Variants in USP15 observed in about 807,000 individuals in gnomAD.
USP15 encodes ubiquitin specific peptidase 15.
USP15 carries 18 observed loss-of-function variants against 127.1 expected under a neutral mutation model. The ratio of observed to expected loss-of-function variants is 0.14; its 90% CI spans 0.10 to 0.21. USP15 has a LOEUF of 0.21. Among genes scored for constraint, USP15 ranks in the 10% least tolerant of loss-of-function variants. USP15 has a pLI of 1.00. For synonymous variants in USP15, 364 were observed against 393.7 expected (o/e 0.92, Z 0.89); for missense variants, 805 against 1,159.9 (o/e 0.69, Z 4.44).
rs1216624351 is a variant in USP15 at position 62,407,708 on chromosome 12, C to T, written c.*3333C>T. The stretch of plus-strand genomic sequence containing the variant: ...CCAAATGCAACCCTGAATTTCAGGA[C>T]TTTGTAAACTCTACTCTAGTTTTGC... On this transcript the variant is annotated 3_prime_UTR_variant, in exon 22 of 22. Coordinates refer to ENST00000280377, the MANE Select transcript of USP15 (RefSeq NM_001252078.2). 6.6e-6 allele frequency: 1 copy of T among 151,756 alleles called. No homozygotes were observed. The highest frequency in any genetic ancestry group is 2.4e-5 in the African/African-American group (1 of 41,346). The allele number at this position is 151,756 out of a possible 1,614,324, so 9.4% of individuals were successfully genotyped here.
At chr12:62,356,524 G>A (rs1725746213) in intron 8 of USP15, among the ~76,000 whole-genome samples, 1 of 151,870 alleles carries the variant, frequency 6.6e-6, no homozygotes, top group South Asian at 2.1e-4. Context: ...CCAGGAGTTA[G>A]CATCCTTTTA....
In USP15 at chr12:62,413,767, G is replaced by T. The variant is rs1363860060; in HGVS notation, c.*9392G>T. The stretch of plus-strand genomic sequence containing the variant: ...CTATACCACTTTTCTTATGATTCAT[G>T]TGTTCACTTGAGTAGCACTTTTAAT... On this transcript the variant is annotated 3_prime_UTR_variant, in exon 22 of 22. Transcript: ENST00000280377. The T allele has an allele frequency of 2.6e-5, 4 of 151,294 alleles. No homozygotes were observed. The highest frequency in any genetic ancestry group is 2.6e-4 in the Admixed American group (4 of 15,188). The allele number at this position is 151,294 out of a possible 1,614,324, so 9.4% of individuals were successfully genotyped here. A position where few individuals can be genotyped will look rare whatever the true frequency, so the allele number is the denominator to read the frequency against.
At chr12:62,260,589 G>C (rs1386871854) in intron 1 of USP15, 86 bp downstream of exon 1, 1 of 1,342,188 alleles carries the variant, frequency 7.5e-7, no homozygotes, top group Non-Finnish European at 1.0e-6. Context: ...TTTCGCTAGT[G>C]ACAGGTGCGG....
rs193107780 is a variant in USP15, at chr12:62,348,432, A to T, written c.684-789A>T. 2.6e-3 allele frequency among the ~76,000 whole-genome samples: 391 copies of T among 152,302 alleles called. 3 individuals are homozygous for T. Among genetic ancestry groups the T allele is most frequent in the Non-Finnish European group, 2.3e-3 (157 of 68,018 alleles). On this transcript the variant is annotated intron_variant, in intron 6 of 21. Transcript: ENST00000280377. ...GAATCATTCGGGGCCTCACTGATTT[A>T]AAATTTACAATGACTGAGTCACTGG...
At chr12:62,386,882 A>G (rs1158330034) in intron 11 of USP15, among the ~76,000 whole-genome samples, 1 of 152,194 alleles carries the variant, frequency 6.6e-6, no homozygotes, top group Non-Finnish European at 1.5e-5. Context: ...CGACAGACAA[A>G]TGACAAACAC....
intron 3 of USP15, among the ~76,000 whole-genome samples, chr12:62,309,078 A>G (rs2064576376): frequency 6.6e-6 from 1 of 152,162 alleles, no homozygotes; most frequent in Non-Finnish European, 1.5e-5. Flanking sequence ...AAACATTATA[A>G]TGTAGACATT....
chr12:62,369,465 G>GTTT (rs34913772), intron 8 of USP15, among the ~76,000 whole-genome samples: 5 of 148,218 alleles, frequency 3.4e-5, no homozygotes, highest in South Asian at 2.1e-4. Context: ...ATGCCAACTG[G>GTTT]TTTTTTTTTT....
At chr12:62,362,030 GT>G (rs1235225588) in intron 8 of USP15, among the ~76,000 whole-genome samples, 1 of 151,888 alleles carries the variant, frequency 6.6e-6, no homozygotes, top group African/African-American at 2.4e-5. Context: ...TTTTTATATT[GT>G]TTTTCACTTA....
chr12:62,312,244 A>C (rs1292978704), intron 3 of USP15: 1 of 325,558 alleles, frequency 3.1e-6, no homozygotes, highest in South Asian at 2.3e-5. Context: ...ATATAGTACT[A>C]GATTTTTTTA....
intron 14 of USP15, 138 bp from the exon 15 acceptor site, chr12:62,390,726 G>C (rs2067298958): frequency 1.9e-6 from 1 of 538,468 alleles, no homozygotes; most frequent in African/African-American, 1.9e-5. Context: ...GGTACTAAAA[G>C]TTTGAATTTA....
chr12:62,345,015 C>G (rs1313206670), intron 6 of USP15, among the ~76,000 whole-genome samples: 1 of 152,224 alleles, frequency 6.6e-6, no homozygotes, highest in African/African-American at 2.4e-5. Flanking sequence ...CTCTGACATG[C>G]CCTGGAGACA....
At chr12:62,364,354 C>A (rs1461814595) in intron 8 of USP15, among the ~76,000 whole-genome samples, 2 of 152,094 alleles carry the variant, frequency 1.3e-5, no homozygotes, top group African/African-American at 4.8e-5. Context: ...TATTGGAGAT[C>A]ATCAATTCAG....
chr12:62,287,964 C>G (rs1187226432), intron 1 of USP15, among the ~76,000 whole-genome samples: 3 of 152,140 alleles, frequency 2.0e-5, no homozygotes, highest in Non-Finnish European at 4.4e-5. Context: ...ATTTTTGTAC[C>G]AGTACCATGC....
chr12:62,346,907 T>G (rs1409878504), intron 6 of USP15, among the ~76,000 whole-genome samples: 4 of 152,314 alleles, frequency 2.6e-5, no homozygotes, highest in South Asian at 4.1e-4. Context: ...TACATGCTAT[T>G]CTTCCTAACT....
At chr12:62,332,264 CACT>C (rs1395441798) in intron 6 of USP15, among the ~76,000 whole-genome samples, 2 of 151,004 alleles carry the variant, frequency 1.3e-5, no homozygotes, top group African/African-American at 4.9e-5. Flanking sequence ...GCATTTTTAA[CACT>C]ACTTGTTTTA....
chr12:62,372,068 GT>G (rs1487087050), intron 8 of USP15, among the ~76,000 whole-genome samples: 4 of 152,058 alleles, frequency 2.6e-5, no homozygotes, highest in African/African-American at 9.7e-5. Context: ...AAAAAAATTA[GT>G]TCTTTCACAC....
At chr12:62,304,059 A>C (rs1337796661) in intron 3 of USP15, among the ~76,000 whole-genome samples, 1 of 151,368 alleles carries the variant, frequency 6.6e-6, no homozygotes, top group Non-Finnish European at 1.5e-5. Context: ...TAAAGGTATT[A>C]CACTGTATTC....
chr12:62,394,489 T>C (rs1409070320), intron 19 of USP15, among the ~76,000 whole-genome samples: 1 of 152,194 alleles, frequency 6.6e-6, no homozygotes, highest in Non-Finnish European at 1.5e-5. Flanking sequence ...AAAAGATCAT[T>C]TTCTCTTTAA....
At chr12:62,290,620 T>A (rs1052486554) in intron 1 of USP15, among the ~76,000 whole-genome samples, 1 of 152,250 alleles carries the variant, frequency 6.6e-6, no homozygotes, top group Non-Finnish European at 1.5e-5. Context: ...AGGTAAATAT[T>A]GATATGTGAG....
Sources: allele counts gnomAD v4.1 joint callset (sites outside exome capture counted in the v4.1 genomes callset), GRCh38; gene constraint gnomAD v4.1.1; transcripts MANE v1.5; gene names NCBI Gene and HGNC (gene_info 2026-07-23, HGNC 2026-07-21).